The following GALNTL5 variants were observed in gnomAD, a reference collection of about 807,000 sequenced individuals.
GALNTL5 encodes the protein polypeptide N-acetylgalactosaminyltransferase like 5.
In GALNTL5, 44 loss-of-function variants were observed where a neutral mutation model predicts 51.0. That is an observed-to-expected ratio of 0.86 (90% CI 0.68 to 1.11). The LOEUF (loss-of-function observed/expected upper bound fraction) is 1.11. Ranked by LOEUF, GALNTL5 falls within the 50% of genes least tolerant of loss-of-function variation. GALNTL5 has a pLI of 0.00. For missense variants in GALNTL5, 528 were observed against 531.8 expected, an observed-to-expected ratio of 0.99 and a Z score of 0.07; for synonymous variants, 192 against 182.8, an observed-to-expected ratio of 1.05 and a Z score of -0.41.
intron 1 of GALNTL5, among the ~76,000 whole-genome samples, chr7:151,965,099 A>C (rs10278073): frequency 6.6e-6 from 1 of 152,004 alleles, no homozygotes; most frequent in Non-Finnish European, 1.5e-5. Context: ...AGGGCTGGGC[A>C]AAGAGAGCTG....
intron 1 of GALNTL5, among the ~76,000 whole-genome samples, chr7:151,962,438 T>TTC (rs71198744): frequency 2.1e-5 from 3 of 144,150 alleles, no homozygotes; most frequent in Admixed American, 6.9e-5. Flanking sequence ...TTTTTTTTCT[T>TTC]TTTTTTTTTT....
intron 6 of GALNTL5, among the ~76,000 whole-genome samples, chr7:152,004,368 A>G (rs1387900163): frequency 6.6e-6 from 1 of 150,604 alleles, no homozygotes; most frequent in Non-Finnish European, 1.5e-5. Flanking sequence ...TGTATGTTAC[A>G]TTAAAATATA....
chr7:151,994,363 G>A (rs1198289692), intron 5 of GALNTL5, among the ~76,000 whole-genome samples: 2 of 152,052 alleles, frequency 1.3e-5, no homozygotes, highest in African/African-American at 4.8e-5. Flanking sequence ...GCCTGGAGAC[G>A]GGTTTTCACG....
intron 5 of GALNTL5, among the ~76,000 whole-genome samples, chr7:152,002,190 G>C (rs548536925): frequency 7.2e-5 from 11 of 152,170 alleles, no homozygotes; most frequent in Middle Eastern, 3.4e-3. Context: ...TGAGGCAGGA[G>C]AATTGCTTGA....
intron 6 of GALNTL5, among the ~76,000 whole-genome samples, chr7:152,004,859 G>A (rs149851285): frequency 1.1e-3 from 165 of 152,236 alleles, no homozygotes; most frequent in Non-Finnish European, 1.8e-3. Flanking sequence ...TCCACTGAGG[G>A]ACACTTTAGT....
At chr7:151,988,822 T>C (rs1432640038) in intron 5 of GALNTL5, among the ~76,000 whole-genome samples, 1 of 151,584 alleles carries the variant, frequency 6.6e-6, no homozygotes, top group Non-Finnish European at 1.5e-5. Context: ...TGCCTCAGCC[T>C]CTCAAGTAGC....
intron 5 of GALNTL5, among the ~76,000 whole-genome samples, chr7:152,000,908 T>C (rs2081568467): frequency 7.2e-6 from 1 of 138,090 alleles, no homozygotes. Flanking sequence ...CTTTTTTTTC[T>C]TTCTTTTTTT....
In GALNTL5 at chr7:151,983,117, A is replaced by G. The variant is rs202056038; in HGVS notation, c.500A>G (p.Glu167Gly). 4.1e-5 allele frequency: 66 copies of G among 1,613,994 alleles called. No individual in the cohort carries two copies. Among genetic ancestry groups the G allele is most frequent in the Admixed American group, 3.5e-4 (21 of 59,992 alleles). ...VTNLTPHYFL[E>G]EIILVDDMSK... ...AACCTCACGCCACACTATTTTCTTG[A>G]AGAAATTATTTTGGTAGATGACATG... The change falls in exon 4 of 9, where the codon GAA becomes GGA. Residue 167 changes from glutamate to glycine, a missense_variant. Coordinates refer to ENST00000392800, the MANE Select transcript of GALNTL5 (RefSeq NM_145292.4).
chr7:151,965,068 C>T (rs1014798664), intron 1 of GALNTL5, among the ~76,000 whole-genome samples: 7 of 152,286 alleles, frequency 4.6e-5, no homozygotes, highest in African/African-American at 1.4e-4. Flanking sequence ...CACTCTGACT[C>T]CTGCCTGGGT....
At chr7:151,959,145 T>A (rs1285405440) in intron 1 of GALNTL5, among the ~76,000 whole-genome samples, 2 of 152,190 alleles carry the variant, frequency 1.3e-5, no homozygotes, top group African/African-American at 4.8e-5. Context: ...CCTCTCTGCC[T>A]AGGAATTTGT....
chr7:151,973,504 GT>G (rs995817929), intron 3 of GALNTL5, among the ~76,000 whole-genome samples: 1 of 151,952 alleles, frequency 6.6e-6, no homozygotes, highest in African/African-American at 2.4e-5. Context: ...GCCCCGCTGG[GT>G]TTCAGACTTG....
chr7:151,991,387 G>A (rs966991296), intron 5 of GALNTL5, among the ~76,000 whole-genome samples: 4 of 152,110 alleles, frequency 2.6e-5, no homozygotes, highest in Admixed American at 6.5e-5. Flanking sequence ...CACTGCGCAC[G>A]GCCTGATACT....
chr7:151,967,245 C>G lies in GALNTL5; in HGVS notation c.-2C>G. On this transcript the variant is annotated 5_prime_UTR_variant, in exon 2 of 9. Transcript: ENST00000392800. ...TGGACCTTTGAAAATGCTAGATTTA[C>G]AATGAGAAATGCCATAATTCAAGGT... 1 of 1,607,302 alleles carries G rather than the reference C, an allele frequency of 6.2e-7. No homozygotes were observed.
rs573384534 is a variant in GALNTL5, at chr7:152,016,955, T to C, written c.1176+2162T>C. On this transcript the variant is annotated intron_variant, in intron 8 of 8. Coordinates refer to ENST00000392800, the MANE Select transcript of GALNTL5 (RefSeq NM_145292.4). ...CGGGAGGCTGAAGCTGGAGAATTGC[T>C]TGAACCCAGGAGGTAGAGGTTGCAG... 9.2e-5 allele frequency among the ~76,000 whole-genome samples: 14 copies of C among 151,692 alleles called. No homozygotes were observed. The South Asian group carries it at 2.9e-3, about 32-fold the overall frequency.
chr7:152,001,182 G>A (rs2081575242), intron 5 of GALNTL5, among the ~76,000 whole-genome samples: 1 of 150,934 alleles, frequency 6.6e-6, no homozygotes, highest in Admixed American at 6.6e-5. Flanking sequence ...CAAAGTGCTG[G>A]GATTACAGGC....
chr7:152,014,322 G>A (rs1479838642), intron 7 of GALNTL5, among the ~76,000 whole-genome samples: 5 of 152,210 alleles, frequency 3.3e-5, no homozygotes, highest in Admixed American at 1.3e-4. Flanking sequence ...CCAGGCTGGA[G>A]TGCAGTGGCA....
chr7:152,017,968 C>T (rs183739161), intron 8 of GALNTL5, among the ~76,000 whole-genome samples: 87 of 152,278 alleles, frequency 5.7e-4, no homozygotes, highest in Non-Finnish European at 9.4e-4. Context: ...CCTCAGCCTC[C>T]CGAATAGCTG....
chr7:151,961,563 A>C (rs2151936236), intron 1 of GALNTL5, among the ~76,000 whole-genome samples: 1 of 152,312 alleles, frequency 6.6e-6, no homozygotes, highest in Non-Finnish European at 1.5e-5. Context: ...AGAGGACAAA[A>C]ATGGGAGACA....
intron 5 of GALNTL5, among the ~76,000 whole-genome samples, chr7:151,997,327 C>G (rs1298029090): frequency 6.6e-6 from 1 of 152,154 alleles, no homozygotes; most frequent in African/African-American, 2.4e-5. Flanking sequence ...CAATAAATAG[C>G]ACGGTCCTTC....
Sources: allele counts gnomAD v4.1 joint callset (sites outside exome capture counted in the v4.1 genomes callset), GRCh38; gene constraint gnomAD v4.1.1; transcripts MANE v1.5; gene names NCBI Gene and HGNC (gene_info 2026-07-23, HGNC 2026-07-21).